The following LRRC4C variants were observed in gnomAD, a reference collection of about 807,000 sequenced individuals.
LRRC4C encodes the protein leucine-rich repeat-containing protein 4C.
Under a neutral mutation model 33.6 loss-of-function variants are expected in LRRC4C, and 5 were observed. The ratio of observed to expected loss-of-function variants is 0.15; its 90% CI spans 0.08 to 0.31. The LOEUF (loss-of-function observed/expected upper bound fraction) is 0.31, where lower values mean the gene tolerates loss of function less well. Ranked by LOEUF, LRRC4C falls within the 10% of genes least tolerant of loss-of-function variation. LRRC4C has a pLI of 1.00. For missense variants in LRRC4C, 560 were observed against 796.7 expected, an observed-to-expected ratio of 0.70 and a Z score of 3.58; for synonymous variants, 329 against 302.0, an observed-to-expected ratio of 1.09 and a Z score of -0.93.
chr11:40,978,837 G>T (rs928568969), intron 1 of LRRC4C, among the ~76,000 whole-genome samples: 1 of 151,366 alleles, frequency 6.6e-6, no homozygotes, highest in Non-Finnish European at 1.5e-5. Context: ...TCACCATGTT[G>T]CCCAAGCTAG....
intron 2 of LRRC4C, among the ~76,000 whole-genome samples, chr11:40,796,749 C>T (rs1034238335): frequency 2.0e-5 from 3 of 150,344 alleles, no homozygotes; most frequent in African/African-American, 7.4e-5. Context: ...TGGGTTCAAC[C>T]GACTCTCCTG....
At chr11:40,190,456 C>T (rs936706106) in intron 5 of LRRC4C, among the ~76,000 whole-genome samples, 3 of 152,204 alleles carry the variant, frequency 2.0e-5, no homozygotes, top group African/African-American at 7.2e-5. Context: ...AAATTATGTC[C>T]TCATGCCATC....
At chr11:40,192,044 T>C (rs1278727081) in intron 5 of LRRC4C, among the ~76,000 whole-genome samples, 5 of 152,208 alleles carry the variant, frequency 3.3e-5, no homozygotes, top group African/African-American at 1.2e-4. Context: ...GATAACATTA[T>C]ATAGGCACTT....
At chr11:40,472,801 A>T (rs1953010238) in intron 3 of LRRC4C, among the ~76,000 whole-genome samples, 1 of 152,180 alleles carries the variant, frequency 6.6e-6, no homozygotes, top group African/African-American at 2.4e-5. Context: ...AGAAATACAA[A>T]CCACCATCAG....
chr11:40,267,787 G>A (rs1366058772), intron 4 of LRRC4C, among the ~76,000 whole-genome samples: 2 of 152,138 alleles, frequency 1.3e-5, no homozygotes, highest in Admixed American at 6.6e-5. Context: ...ATGGGAGTGG[G>A]CCTGTAAGCT....
At chr11:40,118,321 ATTGTTCTAAGTCCT>A (rs1279423436) in intron 6 of LRRC4C, among the ~76,000 whole-genome samples, 1 of 151,714 alleles carries the variant, frequency 6.6e-6, no homozygotes, top group African/African-American at 2.4e-5. Context: ...TGTGGGAGGT[ATTGTTCTAAGTCCT>A]TTTTGTTGTT....
intron 1 of LRRC4C, among the ~76,000 whole-genome samples, chr11:41,079,780 T>C (rs940237679): frequency 6.6e-6 from 1 of 152,180 alleles, no homozygotes; most frequent in Non-Finnish European, 1.5e-5. Context: ...AGGATTTTTT[T>C]TGTGATTTTT....
At chr11:41,197,382 A>ATC (rs1227437238) in intron 1 of LRRC4C, among the ~76,000 whole-genome samples, 2 of 152,046 alleles carry the variant, frequency 1.3e-5, no homozygotes, top group African/African-American at 4.8e-5. Flanking sequence ...TGGGCTCTGC[A>ATC]ACCTGGCTGG....
chr11:40,532,598 A>C (rs1477342641), intron 3 of LRRC4C, among the ~76,000 whole-genome samples: 3 of 151,994 alleles, frequency 2.0e-5, no homozygotes, highest in Non-Finnish European at 4.4e-5. Context: ...ATCTAGTGTC[A>C]TGTAAGGGGT....
chr11:40,587,015 T>G (rs1425763912), intron 3 of LRRC4C, among the ~76,000 whole-genome samples: 8 of 151,990 alleles, frequency 5.3e-5, no homozygotes, highest in South Asian at 2.1e-4. Flanking sequence ...TGTGAAGAAA[T>G]TCATTGGTAG....
intron 1 of LRRC4C, among the ~76,000 whole-genome samples, chr11:41,130,239 C>A (rs577545771): frequency 1.3e-5 from 2 of 152,042 alleles, no homozygotes; most frequent in Non-Finnish European, 2.9e-5. Context: ...TACATTTAAG[C>A]AATTGCTAAT....
intron 2 of LRRC4C, among the ~76,000 whole-genome samples, chr11:40,929,320 T>C (rs1957517081): frequency 6.6e-6 from 1 of 152,170 alleles, no homozygotes; most frequent in African/African-American, 2.4e-5. Context: ...GCTAGATCCA[T>C]TAAAAGACCA....
At chr11:40,727,824 G>A (rs776800540) in intron 2 of LRRC4C, among the ~76,000 whole-genome samples, 8 of 152,016 alleles carry the variant, frequency 5.3e-5, no homozygotes, top group African/African-American at 9.7e-5. Flanking sequence ...TCAGGTGGGC[G>A]GATCACCTGA....
chr11:40,358,564 A>T (rs2137145236), intron 3 of LRRC4C, among the ~76,000 whole-genome samples: 1 of 152,248 alleles, frequency 6.6e-6, no homozygotes, highest in East Asian at 1.9e-4. Flanking sequence ...TACAGGTATG[A>T]GTTACTGCGC....
At chr11:41,414,081 C>T (rs1160701497) in intron 1 of LRRC4C, among the ~76,000 whole-genome samples, 1 of 152,172 alleles carries the variant, frequency 6.6e-6, no homozygotes, top group African/African-American at 2.4e-5. Flanking sequence ...TGACTTGCTA[C>T]ATTCTCACCT....
At chr11:41,164,152 AAAT>A (rs1944609753) in intron 1 of LRRC4C, among the ~76,000 whole-genome samples, 3 of 151,256 alleles carry the variant, frequency 2.0e-5, no homozygotes, top group Non-Finnish European at 4.4e-5. Context: ...TATTTTATTT[AAAT>A]CCTTATTACA....
rs903894111 is a variant in LRRC4C at position 40,566,352 on chromosome 11, C to T, written c.-270+81790G>A. On this transcript the variant is annotated intron_variant, in intron 3 of 6. Coordinates refer to ENST00000528697, the MANE Select transcript of LRRC4C (RefSeq NM_001258419.2). ...GCTCCTCGAAAGTCAAAATTTTGAA[C>T]GATGAACGTTGAGTACCATATTTCT... Among the ~76,000 whole-genome samples the T allele has an allele frequency of 2.6e-5, 4 of 151,688 alleles. No homozygotes were observed. In the South Asian group the frequency reaches 6.2e-4, roughly 24 times the overall value.
chr11:40,681,468 G>A lies in LRRC4C; in HGVS notation c.-406-33190C>T, dbSNP rs188144244. 5.3e-5 allele frequency among the ~76,000 whole-genome samples: 8 copies of A among 152,288 alleles called. No homozygotes were observed. The East Asian group carries it at 1.5e-3, about 29-fold the overall frequency. On this transcript the variant is annotated intron_variant, in intron 2 of 6. Coordinates refer to ENST00000528697, the MANE Select transcript of LRRC4C (RefSeq NM_001258419.2). The stretch of plus-strand genomic sequence containing the variant: ...AGGGTGCTTATGTAGGAATTTCTAT[G>A]TGAGAAAGTCTTTGCACTGGCAATG...
intron 1 of LRRC4C, among the ~76,000 whole-genome samples, chr11:41,404,414 G>A (rs1954140375): frequency 6.6e-6 from 1 of 151,698 alleles, no homozygotes; most frequent in Non-Finnish European, 1.5e-5. Context: ...GGTATTTTCA[G>A]AACTGGTCTG....
Sources: gnomAD v4.1 joint callset for allele counts (sites outside exome capture counted in the v4.1 genomes callset) on GRCh38, gnomAD v4.1.1 for gene constraint, MANE v1.5 for transcripts, NCBI Gene and HGNC (gene_info 2026-07-23, HGNC 2026-07-21) for gene names.